Variants in BAZ2B observed in about 807,000 individuals in gnomAD.
BAZ2B encodes the protein bromodomain adjacent to zinc finger domain 2B, also known as bromodomain adjacent to zinc finger domain protein 2B.
Under a neutral mutation model 246.0 loss-of-function variants are expected in BAZ2B, and 91 were observed. The ratio of observed to expected loss-of-function variants is 0.37; its 90% CI spans 0.31 to 0.44. The LOEUF (loss-of-function observed/expected upper bound fraction) is 0.44, where lower values mean the gene tolerates loss of function less well. BAZ2B is among the 20% of genes least tolerant of loss of function. The pLI is 1.00. For synonymous variants in BAZ2B, 855 were observed against 860.0 expected (o/e 0.99, Z 0.10); for missense variants, 2,332 against 2,533.7 (o/e 0.92, Z 1.71).
At chr2:159,472,844 C>T (rs1006752825) in intron 3 of BAZ2B, among the ~76,000 whole-genome samples, 1 of 152,098 alleles carries the variant, frequency 6.6e-6, no homozygotes, top group African/African-American at 2.4e-5. Context: ...CTGACTTGAT[C>T]GTGGTGGATA....
At chr2:159,675,723 A>G in the BAZ2B span, among the ~76,000 whole-genome samples, 29 of 152,264 alleles carry the variant, frequency 1.9e-4, no homozygotes, top group South Asian at 5.4e-3. Context: ...AGCTTTTCTA[A>G]GTGAAAGGTT....
the BAZ2B span, among the ~76,000 whole-genome samples, chr2:159,639,620 G>T: frequency 2.0e-5 from 3 of 152,094 alleles, no homozygotes; most frequent in African/African-American, 7.2e-5. Flanking sequence ...GTCGTCATCA[G>T]TTTAAAATAG....
intron 20 of BAZ2B, chr2:159,392,014 A>G (rs2063391281): frequency 6.6e-6 from 1 of 152,202 alleles, no homozygotes; most frequent in Admixed American, 6.6e-5. Context: ...TAATATTTAT[A>G]ATGGCATATA....
rs1253710449 is a variant in BAZ2B, at chr2:159,332,569, C to T, written c.5914G>A (p.Asp1972Asn). The change falls in exon 34 of 37, where the codon GAC (aspartate) becomes AAC (asparagine). Residue 1972 changes from aspartate (D) to asparagine (N), a missense_variant. This residue lies in a region of BAZ2B where 210 missense variants were observed against 232.5 expected (regional missense o/e 0.90). Coordinates refer to ENST00000392783, the MANE Select transcript of BAZ2B (RefSeq NM_013450.4). Reference sequence around the variant, plus strand: ...GCAATGCAAGCTGGACAAAACCAGTCTCCATCTGGGATTGTTGTAATCTTG... The same window carrying T: ...GCAATGCAAGCTGGACAAAACCAGTTTCCATCTGGGATTGTTGTAATCTTG... ...RPKITTIPDGDWFCPACIAKA... is the reference protein window; with the variant it reads ...RPKITTIPDGNWFCPACIAKA... The T allele has an allele frequency of 2.5e-6, 4 of 1,613,990 alleles. No homozygotes were observed. In the South Asian group the frequency reaches 3.3e-5, roughly 13 times the overall value.
At chr2:159,316,316 G>T (rs1193813410), downstream of BAZ2B, among the ~76,000 whole-genome samples, 2 of 152,120 alleles carry the variant, frequency 1.3e-5, no homozygotes, top group African/African-American at 4.8e-5. Context: ...AAGTCTAAGA[G>T]ATCTTGTTGA....
chr2:159,615,591 T>A (rs1167030544), intron 1 of BAZ2B: 1 of 149,954 alleles, frequency 6.7e-6, no homozygotes, highest in Non-Finnish European at 1.5e-5. Context: ...AGCTCGTCAG[T>A]CCGACAGGGA....
At chr2:159,663,660 C>T in the BAZ2B span, among the ~76,000 whole-genome samples, 3 of 151,796 alleles carry the variant, frequency 2.0e-5, no homozygotes, top group Non-Finnish European at 2.9e-5. Flanking sequence ...GCTGGTATTA[C>T]AGGCACATGC....
intron 1 of BAZ2B, among the ~76,000 whole-genome samples, chr2:159,591,519 A>G (rs975277537): frequency 3.9e-5 from 6 of 152,248 alleles, no homozygotes; most frequent in Admixed American, 1.3e-4. Flanking sequence ...AATGGCATAT[A>G]CAGTAATTTA....
At chr2:159,503,394 T>C (rs2082031254) in intron 2 of BAZ2B, among the ~76,000 whole-genome samples, 1 of 152,190 alleles carries the variant, frequency 6.6e-6, no homozygotes, top group Non-Finnish European at 1.5e-5. Flanking sequence ...GCCCTGCCCT[T>C]ATTCTCTGCC....
intron 27 of BAZ2B, among the ~76,000 whole-genome samples, chr2:159,369,909 G>T (rs978453506): frequency 2.0e-5 from 3 of 152,066 alleles, no homozygotes; most frequent in African/African-American, 7.2e-5. Context: ...GGGTCAAATG[G>T]TATTTCAACC....
Position 159,555,822 on chromosome 2 carries a change from CT to C in BAZ2B, c.-3del, listed in dbSNP as rs943143743. 6.6e-6 allele frequency: 1 copy of C among 152,206 alleles called. No homozygotes were observed. Among genetic ancestry groups the C allele is most frequent in the African/African-American group, 2.4e-5 (1 of 41,458 alleles). The allele number at this position is 152,206 out of a possible 1,614,324, so 9.4% of individuals were successfully genotyped here. A position where few individuals can be genotyped will look rare whatever the true frequency, so the allele number is the denominator to read the frequency against. On this transcript the variant is annotated splice_region_variant and 5_prime_UTR_variant, in exon 2 of 37. Coordinates refer to ENST00000392783, the MANE Select transcript of BAZ2B (RefSeq NM_013450.4). The stretch of plus-strand genomic sequence containing the variant: ...AAGCTTAACTATCATTTTGGTCTTA[CT>C]GTGATCAATGTGGTCAATCTTGTGA...
At chr2:159,666,783 A>T in the BAZ2B span, among the ~76,000 whole-genome samples, 1 of 152,086 alleles carries the variant, frequency 6.6e-6, no homozygotes, top group African/African-American at 2.4e-5. Flanking sequence ...TGAATTCAGG[A>T]GGCGGAGGTT....
intron 27 of BAZ2B, among the ~76,000 whole-genome samples, chr2:159,369,396 A>AACT (rs2060574222): frequency 6.6e-6 from 1 of 152,304 alleles, no homozygotes; most frequent in African/African-American, 2.4e-5. Context: ...GTACATATTT[A>AACT]ACTACATCAT....
chr2:159,706,194 T>A, the BAZ2B span, among the ~76,000 whole-genome samples: 1 of 151,554 alleles, frequency 6.6e-6, no homozygotes, highest in Admixed American at 6.6e-5. Flanking sequence ...AGGATGTTTG[T>A]GGAGTAGCAG....
rs533651463 is a variant in BAZ2B, at chr2:159,430,473, T to C, written c.2194+390A>G. On this transcript the variant is annotated intron_variant, in intron 10 of 36. Transcript: ENST00000392783. ...CAATAGTAGGCTAACAGTTAAGTTT[T>C]TGAGGAGCCAAAAGTTAGATGTAGA... Among the ~76,000 whole-genome samples, 8 of 152,348 alleles carry C rather than the reference T, an allele frequency of 5.3e-5. No homozygotes were observed. In the South Asian group the frequency reaches 1.5e-3, roughly 28 times the overall value.
intron 13 of BAZ2B, among the ~76,000 whole-genome samples, chr2:159,417,323 A>G (rs1019333704): frequency 2.6e-5 from 4 of 152,026 alleles, no homozygotes; most frequent in African/African-American, 9.7e-5. Flanking sequence ...GGCGCTTGCC[A>G]CCATACCCGG....
rs116444745 is a variant in BAZ2B at position 159,333,040 on chromosome 2, T to G, written c.5797-354A>C. 2.5e-3 allele frequency: 407 copies of G among 160,782 alleles called. 2 individuals are homozygous for G. Among genetic ancestry groups the G allele is most frequent in the African/African-American group, 9.4e-3 (394 of 41,954 alleles). The allele number at this position is 160,782 out of a possible 1,614,324, so 10.0% of individuals were successfully genotyped here. A position where few individuals can be genotyped will look rare whatever the true frequency, so the allele number is the denominator to read the frequency against. ...TAGCTTTAATACATGATGTTTTATTTGTTTAATGTGCTTCATCTTTTGCTT... is the reference window on the plus strand; with the variant it reads ...TAGCTTTAATACATGATGTTTTATTGGTTTAATGTGCTTCATCTTTTGCTT... On this transcript the variant is annotated intron_variant, in intron 33 of 36. Coordinates refer to ENST00000392783, the MANE Select transcript of BAZ2B (RefSeq NM_013450.4).
At chr2:159,706,299 T>A in the BAZ2B span, among the ~76,000 whole-genome samples, 10,056 of 152,264 alleles carry the variant, frequency 0.066, 433 homozygotes, top group Middle Eastern at 0.19. Context: ...ATAGTAGGTA[T>A]GATACAATCA....
chr2:159,613,984 T>G (rs1005411997), intron 1 of BAZ2B, among the ~76,000 whole-genome samples: 2 of 152,188 alleles, frequency 1.3e-5, no homozygotes, highest in Non-Finnish European at 2.9e-5. Flanking sequence ...TCAGAATTGT[T>G]TCTATTAGCT....
Sources: allele counts gnomAD v4.1 joint callset (sites outside exome capture counted in the v4.1 genomes callset), GRCh38; gene constraint gnomAD v4.1.1; regional missense constraint gnomAD v4.1.1; transcripts MANE v1.5; gene names NCBI Gene and HGNC (gene_info 2026-07-23, HGNC 2026-07-21).